Variants in RAB38 observed in about 807,000 individuals in gnomAD.
RAB38 encodes ras-related protein Rab-38.
RAB38 carries 15 observed loss-of-function variants against 18.4 expected under a neutral mutation model. The ratio of observed to expected loss-of-function variants is 0.82; its 90% CI spans 0.55 to 1.26. RAB38 has a LOEUF of 1.26. RAB38 is among the 50% of genes most tolerant of loss of function. The pLI, the probability that RAB38 is intolerant of heterozygous loss-of-function variation, is 0.00. For missense variants in RAB38, 294 were observed against 267.4 expected, an observed-to-expected ratio of 1.10 and a Z score of -0.69; for synonymous variants, 101 against 104.4, an observed-to-expected ratio of 0.97 and a Z score of 0.20.
chr11:87,908,565 C>T, the RAB38 span, among the ~76,000 whole-genome samples: 2 of 151,966 alleles, frequency 1.3e-5, no homozygotes, highest in Admixed American at 1.3e-4. Flanking sequence ...CTAATTTTTC[C>T]CAAGTGGTAG....
the RAB38 span, among the ~76,000 whole-genome samples, chr11:87,942,033 T>C: frequency 6.6e-6 from 1 of 152,174 alleles, no homozygotes; most frequent in East Asian, 1.9e-4. Context: ...GCCTGTAACT[T>C]TCTCACAAGA....
At chr11:88,170,097 T>C (rs1943291674) in intron 1 of RAB38, among the ~76,000 whole-genome samples, 1 of 152,200 alleles carries the variant, frequency 6.6e-6, no homozygotes, top group Non-Finnish European at 1.5e-5. Flanking sequence ...ATCAGTCCTC[T>C]AAAACCCAGA....
At chr11:88,067,881 G>A in the RAB38 span, among the ~76,000 whole-genome samples, 4 of 150,808 alleles carry the variant, frequency 2.7e-5, no homozygotes, top group South Asian at 2.1e-4. Flanking sequence ...AAACCTGCAC[G>A]TTCTACACAT....
the RAB38 span, among the ~76,000 whole-genome samples, chr11:88,004,993 A>G: frequency 2.0e-5 from 3 of 151,374 alleles, no homozygotes; most frequent in African/African-American, 7.2e-5. Context: ...ACCTAAATAA[A>G]GAGGGATTTG....
At chr11:88,140,825 G>A (rs914995109) in intron 2 of RAB38, among the ~76,000 whole-genome samples, 1 of 152,172 alleles carries the variant, frequency 6.6e-6, no homozygotes, top group African/African-American at 2.4e-5. Context: ...AAGAATGTGT[G>A]ACCTGGTTAT....
At chr11:87,847,807 A>G in the RAB38 span, among the ~76,000 whole-genome samples, 1 of 152,138 alleles carries the variant, frequency 6.6e-6, no homozygotes, top group Non-Finnish European at 1.5e-5. Flanking sequence ...AAGACGGGAC[A>G]TGTCCTTTCA....
At chr11:88,120,296 G>T (rs1019541087) in intron 2 of RAB38, among the ~76,000 whole-genome samples, 1 of 151,972 alleles carries the variant, frequency 6.6e-6, no homozygotes, top group Non-Finnish European at 1.5e-5. Context: ...GATAGTAAGG[G>T]TCAGAACCTG....
the RAB38 span, among the ~76,000 whole-genome samples, chr11:87,886,192 G>T: frequency 6.6e-6 from 1 of 151,866 alleles, no homozygotes; most frequent in Non-Finnish European, 1.5e-5. Flanking sequence ...CCTCTGGCTG[G>T]TCCCACTTTC....
intron 2 of RAB38, among the ~76,000 whole-genome samples, chr11:88,132,102 T>C (rs551821218): frequency 5.3e-5 from 8 of 152,202 alleles, no homozygotes; most frequent in Admixed American, 1.3e-4. Flanking sequence ...TTTAGCATGA[T>C]AAGAATCTGA....
chr11:87,881,093 C>A, the RAB38 span, among the ~76,000 whole-genome samples: 5 of 151,954 alleles, frequency 3.3e-5, no homozygotes, highest in Middle Eastern at 3.4e-3. Flanking sequence ...AATCCTCCCA[C>A]CTTGGACTCT....
the RAB38 span, among the ~76,000 whole-genome samples, chr11:87,808,969 A>G: frequency 1.3e-5 from 2 of 152,184 alleles, no homozygotes; most frequent in Non-Finnish European, 2.9e-5. Context: ...GAAATAGAGC[A>G]CATAGCCTCT....
the RAB38 span, among the ~76,000 whole-genome samples, chr11:88,025,250 A>T: frequency 6.6e-6 from 1 of 151,216 alleles, no homozygotes; most frequent in East Asian, 1.9e-4. Flanking sequence ...TATATATTAT[A>T]TATAGTCACA....
the RAB38 span, among the ~76,000 whole-genome samples, chr11:87,902,183 G>T: frequency 6.6e-6 from 1 of 151,454 alleles, no homozygotes; most frequent in African/African-American, 2.4e-5. Flanking sequence ...AAACCCAAAT[G>T]CCAGTGTTTT....
the RAB38 span, among the ~76,000 whole-genome samples, chr11:88,035,011 A>G: frequency 1.1e-4 from 17 of 152,314 alleles, no homozygotes; most frequent in South Asian, 3.3e-3. Flanking sequence ...TTTTTTAAGT[A>G]TAACACTTTC....
the RAB38 span, among the ~76,000 whole-genome samples, chr11:88,079,803 A>T: frequency 6.6e-6 from 1 of 151,752 alleles, no homozygotes; most frequent in Admixed American, 6.6e-5. Flanking sequence ...AAATATAGTA[A>T]TCTCGGTAGA....
chr11:88,108,706 GC>G (rs1942434391), downstream of RAB38, among the ~76,000 whole-genome samples: 1 of 152,144 alleles, frequency 6.6e-6, no homozygotes, highest in Non-Finnish European at 1.5e-5. Context: ...TGGTTATTTT[GC>G]CTGGTAGTTG....
At chr11:87,913,512 TC>T in the RAB38 span, among the ~76,000 whole-genome samples, 1 of 152,160 alleles carries the variant, frequency 6.6e-6, no homozygotes, top group East Asian at 1.9e-4. Flanking sequence ...ATGAATATAG[TC>T]ATTCTAGCTT....
the RAB38 span, among the ~76,000 whole-genome samples, chr11:87,868,608 A>AGAGAGAGAGAGAGAGAGAGAGAAG: frequency 2.5e-3 from 253 of 103,010 alleles, 2 homozygotes; most frequent in East Asian, 3.4e-3. Context: ...AGAGAGAGAG[A>AGAGAGAGAGAGAGAGAGAGAGAAG]GAGAGAGAGA....
the RAB38 span, among the ~76,000 whole-genome samples, chr11:87,962,081 A>G: frequency 1.3e-5 from 2 of 152,174 alleles, no homozygotes; most frequent in African/African-American, 2.4e-5. Flanking sequence ...TACTAGCACT[A>G]CATTATAAAG....
Sources: gnomAD v4.1 joint callset for allele counts (sites outside exome capture counted in the v4.1 genomes callset) on GRCh38, gnomAD v4.1.1 for gene constraint, MANE v1.5 for transcripts, NCBI Gene and HGNC (gene_info 2026-07-23, HGNC 2026-07-21) for gene names.